The following MYB variants were observed in gnomAD, a reference collection of about 807,000 sequenced individuals.
MYB encodes transcriptional activator Myb.
A neutral mutation model predicts 92.9 loss-of-function variants in MYB; 28 were observed. The ratio of observed to expected loss-of-function variants is 0.30; its 90% CI spans 0.22 to 0.41. The LOEUF is 0.41. MYB is among the 10% of genes least tolerant of loss of function. MYB has a pLI of 1.00. For missense variants in MYB, 679 were observed against 929.3 expected, an observed-to-expected ratio of 0.73 and a Z score of 3.50; for synonymous variants, 295 against 329.1, an observed-to-expected ratio of 0.90 and a Z score of 1.12.
chr6:135,199,224 C>T (rs1441056573), intron 11 of MYB, among the ~76,000 whole-genome samples, 174 bp downstream of exon 11: 2 of 152,140 alleles, frequency 1.3e-5, no homozygotes, highest in South Asian at 4.1e-4. Flanking sequence ...ATTACAACTA[C>T]CTACAGGTAG....
chr6:135,182,039 G>A lies in MYB; in HGVS notation c.23+503G>A, dbSNP rs1775130698. ...TTAAATTTCATTCATTCTTTATGGAGGCGAGGACCAGTGTCAGCTGACAGG... is the reference window on the plus strand; with the variant it reads ...TTAAATTTCATTCATTCTTTATGGAAGCGAGGACCAGTGTCAGCTGACAGG... On this transcript the variant is annotated intron_variant, in intron 1 of 15. Coordinates refer to ENST00000341911, the MANE Select transcript of MYB (RefSeq NM_001130173.2). This position sits in a 1 kb window ranked among gnomAD's most constrained non-coding sequence, Gnocchi z 5.6. Among the ~76,000 whole-genome samples the A allele has an allele frequency of 6.6e-6, 1 of 152,224 alleles. No individual in the cohort carries two copies. The highest frequency in any genetic ancestry group is 2.1e-4 in the South Asian group (1 of 4,838).
At position 135,203,452 on chromosome 6, in the gene MYB, A is replaced by G. The variant is rs908511076; in HGVS notation, c.2169+128A>G. On this transcript the variant is annotated intron_variant, in intron 15 of 15. Transcript: ENST00000341911. ...TTTTCGTTTTCAACATTTTAGACAT[A>G]GGGGAGTAATGCTTTTATACAATTC... The G allele has an allele frequency of 2.4e-5, 18 of 737,872 alleles. No individual in the cohort carries two copies. The African/African-American group carries it at 3.0e-4, about 12-fold the overall frequency. The allele number at this position is 737,872 out of a possible 1,614,324, so 45.7% of individuals were successfully genotyped here.
chr6:135,200,593 T>C (rs1405302367), intron 13 of MYB, 178 bp downstream of exon 13: 4 of 862,278 alleles, frequency 4.6e-6, no homozygotes, highest in Non-Finnish European at 7.5e-6. Flanking sequence ...AACCTTTCCT[T>C]TGGGAAGCCA....
intron 14 of MYB, among the ~76,000 whole-genome samples, chr6:135,202,063 C>T (rs1778176705): frequency 6.6e-6 from 1 of 152,082 alleles, no homozygotes; most frequent in Admixed American, 6.5e-5. Flanking sequence ...TATTTGTCTT[C>T]TAAATAATAT....
chr6:135,207,688 A>G (rs555958913), intron 15 of MYB, among the ~76,000 whole-genome samples: 10 of 151,316 alleles, frequency 6.6e-5, no homozygotes, highest in South Asian at 2.1e-4. Flanking sequence ...AAAATATACT[A>G]TGTTCTAGAG....
At chr6:135,188,167 G>A (rs1163145801) in intron 3 of MYB, among the ~76,000 whole-genome samples, 1 of 151,966 alleles carries the variant, frequency 6.6e-6, no homozygotes, top group Non-Finnish European at 1.5e-5. Flanking sequence ...TCATTTATAG[G>A]ATAATTAGTA....
intron 15 of MYB, among the ~76,000 whole-genome samples, chr6:135,211,516 G>A (rs189570777): frequency 1.3e-5 from 2 of 152,132 alleles, no homozygotes; most frequent in East Asian, 1.9e-4. Flanking sequence ...TCTTCCTTGG[G>A]CAGGCCAGCA....
At chr6:135,216,836 G>A (rs908931733) in intron 15 of MYB, among the ~76,000 whole-genome samples, 1 of 152,184 alleles carries the variant, frequency 6.6e-6, no homozygotes, top group Non-Finnish European at 1.5e-5. Context: ...CAGAGGCATC[G>A]CAGGAGCTGG....
At chr6:135,196,675 C>G (rs1455087047) in intron 9 of MYB, 2 of 1,221,344 alleles carry the variant, frequency 1.6e-6, no homozygotes, top group Non-Finnish European at 2.2e-6. Context: ...TGACCATTGC[C>G]GTAATATGCC....
chr6:135,206,071 T>C (rs1778824284), intron 15 of MYB, among the ~76,000 whole-genome samples: 1 of 151,608 alleles, frequency 6.6e-6, no homozygotes, highest in Non-Finnish European at 1.5e-5. Flanking sequence ...CCGGGCGTAG[T>C]GGCGGGCACC....
intron 9 of MYB, chr6:135,196,719 C>A: frequency 6.7e-7 from 1 of 1,483,042 alleles, no homozygotes. Context: ...CTTTCCATTG[C>A]ATGCAGATGT....
At chr6:135,197,881 A>G (rs1777548373) in intron 10 of MYB, among the ~76,000 whole-genome samples, 2 of 152,348 alleles carry the variant, frequency 1.3e-5, no homozygotes, top group African/African-American at 2.4e-5. Context: ...GTTTCTCAAC[A>G]TTGGCTCTTT....
rs1342174776 is a variant in MYB, at chr6:135,193,929, T to C, written c.843+11T>C. On this transcript the variant is annotated intron_variant, in intron 7 of 15. Transcript: ENST00000341911. ...GCCGCAGCCATTCAGGTAAGATCAT[T>C]GATCATTCACTGTTCAAAGCACCAC... 5.1e-6 allele frequency: 8 copies of C among 1,583,780 alleles called. No individual in the cohort carries two copies. Among genetic ancestry groups the C allele is most frequent in the African/African-American group, 4.0e-5 (3 of 74,204 alleles).
chr6:135,191,747 T>C (rs1776653978), intron 5 of MYB, among the ~76,000 whole-genome samples: 1 of 152,224 alleles, frequency 6.6e-6, no homozygotes, highest in Non-Finnish European at 1.5e-5. Flanking sequence ...GATCTTTCCC[T>C]TTGGGATCCC....
chr6:135,203,167 C>T (rs931326930), intron 14 of MYB, 50 bp from the exon 15 acceptor site: 2 of 1,335,444 alleles, frequency 1.5e-6, no homozygotes, highest in African/African-American at 2.9e-5. Context: ...AAATGTGGCT[C>T]TCATATTATC....
intron 14 of MYB, 192 bp from the exon 15 acceptor site, chr6:135,203,025 A>G: frequency 2.8e-6 from 2 of 703,662 alleles, no homozygotes; most frequent in Admixed American, 2.0e-5. Flanking sequence ...TGTTTGCCAC[A>G]ATGGGATTAA....
chr6:135,207,795 C>T lies in MYB; in HGVS notation c.2169+4471C>T, dbSNP rs569808293. The stretch of plus-strand genomic sequence containing the variant: ...TGTTGCCCAGGCTGGGGTGCAGTGA[C>T]GCAATCTCAGCTCACTGTAACCTCT... On this transcript the variant is annotated intron_variant, in intron 15 of 15. Transcript: ENST00000341911. Among the ~76,000 whole-genome samples the T allele has an allele frequency of 8.6e-3, 1,256 of 146,206 alleles. 16 individuals are homozygous for T. The highest frequency in any genetic ancestry group is 0.03 in the African/African-American group (1,167 of 39,300).
intron 15 of MYB, among the ~76,000 whole-genome samples, chr6:135,210,100 T>A (rs1465131110): frequency 6.6e-6 from 1 of 152,266 alleles, no homozygotes; most frequent in East Asian, 1.9e-4. Context: ...TTCCTCAGCG[T>A]GCTTTCCATT....
Position 135,190,059 on chromosome 6 carries a change from G to C in MYB, c.307-68G>C. 1 of 1,541,756 alleles carries C rather than the reference G, an allele frequency of 6.5e-7. No individual in the cohort carries two copies. Among genetic ancestry groups the C allele is most frequent in the Non-Finnish European group, 8.9e-7 (1 of 1,127,506 alleles). On this transcript the variant is annotated intron_variant, in intron 4 of 15. Transcript: ENST00000341911. The surrounding 1 kb of genome is among the most constrained non-coding windows in gnomAD (Gnocchi z 4.5). ...AATTTTCTAAAGATCTTGTAACACT[G>C]AAGAATGATTATACTGACTCATTAC...
Sources: allele counts gnomAD v4.1 joint callset (sites outside exome capture counted in the v4.1 genomes callset), GRCh38; gene constraint gnomAD v4.1.1; non-coding constraint Gnocchi (gnomAD v3.1); transcripts MANE v1.5; gene names NCBI Gene and HGNC (gene_info 2026-07-23, HGNC 2026-07-21).